MEGF6: variants seen among roughly 807,000 people sequenced by gnomAD.
The protein encoded by MEGF6 is multiple EGF like domains 6, also known as multiple epidermal growth factor-like domains protein 6.
A neutral mutation model predicts 207.1 loss-of-function variants in MEGF6; 184 were observed. The ratio of observed to expected loss-of-function variants is 0.89; its 90% CI spans 0.79 to 1.00. The LOEUF is 1.00. Ranked by LOEUF, MEGF6 falls within the 50% of genes least tolerant of loss-of-function variation. The pLI, the probability that MEGF6 is intolerant of heterozygous loss-of-function variation, is 0.00. For missense variants in MEGF6, 2,282 were observed against 2,202.9 expected (o/e 1.04, Z -0.72); for synonymous variants, 1,038 against 910.0 (o/e 1.14, Z -2.53).
chr1:3,491,223 C>T (rs1314405030), intron 35 of MEGF6, among the ~76,000 whole-genome samples: 2 of 152,086 alleles, frequency 1.3e-5, no homozygotes, highest in Non-Finnish European at 2.9e-5. Flanking sequence ...AACGCCAAGC[C>T]AAGTCCACTC....
At chr1:3,597,663 C>T (rs766392505) in intron 2 of MEGF6, among the ~76,000 whole-genome samples, 8 of 152,274 alleles carry the variant, frequency 5.3e-5, no homozygotes, top group East Asian at 3.9e-4. Context: ...AAGGCAGAGA[C>T]GGAAGTGGCG....
intron 2 of MEGF6, among the ~76,000 whole-genome samples, chr1:3,596,879 C>G (rs926830724): frequency 6.6e-6 from 1 of 152,108 alleles, no homozygotes; most frequent in Non-Finnish European, 1.5e-5. Flanking sequence ...GAGGTGGGGG[C>G]ACCCCAGCCC....
chr1:3,506,317 G>A (rs1641117600), intron 14 of MEGF6, 81 bp from the exon 15 acceptor site: 4 of 1,512,862 alleles, frequency 2.6e-6, no homozygotes, highest in Admixed American at 2.0e-5. Flanking sequence ...AGGATGCGCG[G>A]GGGCCCAGGG....
chr1:3,545,089 G>A (rs1441775049), intron 4 of MEGF6, among the ~76,000 whole-genome samples: 5 of 152,110 alleles, frequency 3.3e-5, no homozygotes, highest in Non-Finnish European at 7.4e-5. Flanking sequence ...AGGACACACA[G>A]GCCCCCACCC....
chr1:3,582,407 C>T (rs569672239), intron 3 of MEGF6, among the ~76,000 whole-genome samples: 46 of 152,296 alleles, frequency 3.0e-4, no homozygotes, highest in Non-Finnish European at 5.6e-4. Context: ...CCAGTCCAGT[C>T]GGGTCCACCC....
intron 26 of MEGF6, among the ~76,000 whole-genome samples, chr1:3,497,970 C>T (rs1463852421): frequency 3.9e-5 from 6 of 152,146 alleles, no homozygotes; most frequent in Non-Finnish European, 7.4e-5. Context: ...CTGGGTGGAC[C>T]AGGCCCTGCC....
intron 11 of MEGF6, 41 bp from the exon 12 acceptor site, chr1:3,509,286 CT>C (rs1641242106): frequency 7.2e-7 from 1 of 1,389,960 alleles, no homozygotes; most frequent in African/African-American, 1.5e-5. Flanking sequence ...TGCCACCCAC[CT>C]GCCTGCTCCA....
rs1176275464 is a variant in MEGF6 at position 3,489,940 on chromosome 1, C to T, written c.*588G>A. ...ACGAGGAGGTTGCCTGCTCCTTTAC[C>T]TTCCTAGGTTTACATGGTACCGGAG... On this transcript the variant is annotated 3_prime_UTR_variant, in exon 37 of 37. Transcript: ENST00000356575. The T allele has an allele frequency of 2.0e-5, 3 of 152,930 alleles. No homozygotes were observed. The highest frequency in any genetic ancestry group is 7.2e-5 in the African/African-American group (3 of 41,582). The allele number at this position is 152,930 out of a possible 1,614,324, so 9.5% of individuals were successfully genotyped here.
chr1:3,594,523 A>G lies in MEGF6; in HGVS notation c.376+815T>C, dbSNP rs1359643274. Among the ~76,000 whole-genome samples the G allele has an allele frequency of 3.9e-5, 6 of 152,226 alleles. No homozygotes were observed. The highest frequency in any genetic ancestry group is 8.8e-5 in the Non-Finnish European group (6 of 68,048). On this transcript the variant is annotated intron_variant, in intron 3 of 36. Coordinates refer to ENST00000356575, the MANE Select transcript of MEGF6 (RefSeq NM_001409.4). This position sits in a 1 kb window ranked among gnomAD's most constrained non-coding sequence, Gnocchi z 4.2. ...GCGCAGCCTGTCCCTCACTGGCAGGATGCCACCTCGATTTTTTAGGGGAGG... is the reference window on the plus strand; with the variant it reads ...GCGCAGCCTGTCCCTCACTGGCAGGGTGCCACCTCGATTTTTTAGGGGAGG...
intron 4 of MEGF6, among the ~76,000 whole-genome samples, chr1:3,571,737 C>A (rs982428851): frequency 8.5e-6 from 1 of 117,952 alleles, no homozygotes; most frequent in Non-Finnish European, 1.6e-5. Flanking sequence ...TGCGGGTGCA[C>A]TGGGTCTTCC....
intron 4 of MEGF6, among the ~76,000 whole-genome samples, chr1:3,550,027 C>T (rs950638430): frequency 1.3e-5 from 2 of 152,220 alleles, no homozygotes; most frequent in East Asian, 1.9e-4. Flanking sequence ...TCGTGGATGC[C>T]ACCTGGTGAG....
intron 4 of MEGF6, among the ~76,000 whole-genome samples, chr1:3,577,992 TCA>T (rs1483471669): frequency 2.0e-5 from 3 of 152,202 alleles, no homozygotes; most frequent in African/African-American, 7.2e-5. Context: ...CGTCAGGGTC[TCA>T]TGGAGCAGGG....
Position 3,490,245 on chromosome 1 carries a change from G to A in MEGF6, c.*283C>T, listed in dbSNP as rs1640297897. 4.0e-6 allele frequency: 2 copies of A among 505,436 alleles called. No homozygotes were observed. The highest frequency in any genetic ancestry group is 3.9e-5 in the Admixed American group (1 of 25,486). 31.3% of individuals were successfully genotyped at this position (505,436 alleles called of 1,614,324 possible). On this transcript the variant is annotated 3_prime_UTR_variant, in exon 37 of 37. Transcript: ENST00000356575. The stretch of plus-strand genomic sequence containing the variant: ...TCAGTCCAACTCAGAGCCGCGGGGA[G>A]AGCGGGACTTCCTCAGCCCAGGCCC...
Position 3,601,859 on chromosome 1 carries a change from C to G in MEGF6, c.266+607G>C, listed in dbSNP as rs536672997. On this transcript the variant is annotated intron_variant, in intron 2 of 36. Transcript: ENST00000356575. ...GCGCAGAGCAGGGCCTCGGCTCCTC[C>G]GCAGATCCCAGGCTGAGAAGCTAGC... Among the ~76,000 whole-genome samples the G allele has an allele frequency of 4.1e-3, 621 of 152,366 alleles. 6 individuals are homozygous for G. Among genetic ancestry groups the G allele is most frequent in the Middle Eastern group, 0.017 (5 of 294 alleles).
At chr1:3,499,066 T>C (rs1640737593) in intron 24 of MEGF6, 72 bp downstream of exon 24, 2 of 1,558,212 alleles carry the variant, frequency 1.3e-6, no homozygotes, top group East Asian at 2.3e-5. Flanking sequence ...AAGTGTCCTG[T>C]GGGCCCTGCA....
At chr1:3,557,674 G>A (rs915376392) in intron 4 of MEGF6, among the ~76,000 whole-genome samples, 4 of 152,216 alleles carry the variant, frequency 2.6e-5, no homozygotes, top group Admixed American at 6.5e-5. Flanking sequence ...CCAGCGCTGC[G>A]GAGCACCGAG....
At chr1:3,495,627 G>A (rs1640565835) in intron 30 of MEGF6, among the ~76,000 whole-genome samples, 1 of 152,208 alleles carries the variant, frequency 6.6e-6, no homozygotes, top group Non-Finnish European at 1.5e-5. Flanking sequence ...TGAGGATGGG[G>A]TCACTGGGTG....
intron 5 of MEGF6, among the ~76,000 whole-genome samples, chr1:3,523,084 G>GGA (rs56204236): frequency 2.6e-5 from 4 of 151,688 alleles, no homozygotes; most frequent in Middle Eastern, 3.4e-3. Context: ...CGGGGGGGGG[G>GGA]CCCCAGGGCT....
intron 17 of MEGF6, among the ~76,000 whole-genome samples, chr1:3,502,231 G>A (rs1640934315): frequency 6.6e-6 from 1 of 152,168 alleles, no homozygotes; most frequent in African/African-American, 2.4e-5. Context: ...GAGGAGAGGG[G>A]AGGGGCAGGG....
Sources: allele counts gnomAD v4.1 joint callset (sites outside exome capture counted in the v4.1 genomes callset), GRCh38; gene constraint gnomAD v4.1.1; non-coding constraint Gnocchi (gnomAD v3.1); transcripts MANE v1.5; gene names NCBI Gene and HGNC (gene_info 2026-07-23, HGNC 2026-07-21).